The following DMXL1 variants were observed in gnomAD, a reference collection of about 807,000 sequenced individuals.
DMXL1 encodes dmX-like protein 1.
Under a neutral mutation model 319.2 loss-of-function variants are expected in DMXL1, and 99 were observed. The ratio of observed to expected loss-of-function variants is 0.31; its 90% confidence interval spans 0.26 to 0.37. DMXL1 has a LOEUF of 0.37. Ranked by LOEUF, DMXL1 falls within the 10% of genes least tolerant of loss-of-function variation. The pLI, the probability that DMXL1 is intolerant of heterozygous loss-of-function variation, is 1.00. For synonymous variants in DMXL1, 1,385 were observed against 1,235.2 expected (o/e 1.12, Z -2.54); for missense variants, 3,745 against 3,595.6 (o/e 1.04, Z -1.06).
At chr5:119,131,415 C>T (rs1248465493) in intron 10 of DMXL1, among the ~76,000 whole-genome samples, 1 of 151,974 alleles carries the variant, frequency 6.6e-6, no homozygotes, top group Non-Finnish European at 1.5e-5. Flanking sequence ...AATGCATTTC[C>T]TTGAAATGAT....
rs2055620 is a variant in DMXL1, at chr5:119,188,935, G to C, written c.7136-773G>C. Among the ~76,000 whole-genome samples the C allele has an allele frequency of 4.0e-3, 610 of 152,278 alleles. 10 individuals carry two copies. The highest frequency in any genetic ancestry group is 0.027 in the South Asian group (129 of 4,828). ...TCGGAGCCATTAAAGGAGAATATTG[G>C]TGTGCCTTAATGTGGAATTCTTTGC... On this transcript the variant is annotated intron_variant, in intron 28 of 43. Coordinates refer to ENST00000539542, the MANE Select transcript of DMXL1 (RefSeq NM_001290321.3).
intron 10 of DMXL1, chr5:119,132,726 C>T (rs145140018): frequency 5.3e-4 from 278 of 520,752 alleles, no homozygotes; most frequent in African/African-American, 5.1e-3. Flanking sequence ...ACAATTAGTC[C>T]TATATTGGCA....
intron 42 of DMXL1, among the ~76,000 whole-genome samples, 191 bp downstream of exon 42, chr5:119,240,662 G>A (rs182119800): frequency 3.2e-4 from 48 of 152,160 alleles, no homozygotes; most frequent in African/African-American, 1.1e-3. Context: ...ACCTTGATGG[G>A]GGACAGTGAG....
At chr5:119,124,556 G>A (rs1320486641) in intron 9 of DMXL1, among the ~76,000 whole-genome samples, 1 of 145,254 alleles carries the variant, frequency 6.9e-6, no homozygotes, top group African/African-American at 2.5e-5. Flanking sequence ...TGACATTATG[G>A]TGATGACTTT....
At chr5:119,211,463 GTACA>G (rs1332213214) in intron 34 of DMXL1, among the ~76,000 whole-genome samples, 1 of 152,090 alleles carries the variant, frequency 6.6e-6, no homozygotes, top group African/African-American at 2.4e-5. Flanking sequence ...TTCAAGAAGT[GTACA>G]TTTCATTTAT....
intron 1 of DMXL1, among the ~76,000 whole-genome samples, chr5:119,072,385 A>C (rs535862465): frequency 6.6e-6 from 1 of 152,118 alleles, no homozygotes; most frequent in Non-Finnish European, 1.5e-5. Flanking sequence ...CAATTTCAAA[A>C]TATAAGTCAG....
At chr5:119,132,864 G>T in intron 10 of DMXL1, 1 of 561,314 alleles carries the variant, frequency 1.8e-6, no homozygotes, top group Non-Finnish European at 3.3e-6. Context: ...TCTGTGCAAG[G>T]GCAAAAGTAG....
chr5:119,118,873 G>A lies in DMXL1; in HGVS notation c.802G>A (p.Val268Ile), dbSNP rs748374686. The change falls in exon 8 of 44, where the codon GTA (valine) becomes ATA (isoleucine). Residue 268 changes from valine (V) to isoleucine (I), a missense_variant. Physicochemically the swap from Val to Ile is conservative, Grantham distance 29. This residue lies in a region of DMXL1 where 2,096 missense variants were observed against 1,985.4 expected (regional missense o/e 1.06). Transcript: ENST00000539542. ...CAAAGATAATGTGTGTCGTCTTTGGGTAGAGACATTTTTACCAAATGATTG... is the reference window on the plus strand; with the variant it reads ...CAAAGATAATGTGTGTCGTCTTTGGATAGAGACATTTTTACCAAATGATTG... The part of the protein sequence containing the change: ...CCKDNVCRLW[V>I]ETFLPNDCLL... The A allele has an allele frequency of 6.2e-7, 1 of 1,613,898 alleles. No homozygotes were observed. The highest frequency in any genetic ancestry group is 2.2e-5 in the East Asian group (1 of 44,844).
chr5:119,238,808 T>C, intron 40 of DMXL1, 181 bp from the exon 41 acceptor site: 1 of 862,532 alleles, frequency 1.2e-6, no homozygotes, highest in Non-Finnish European at 1.4e-6. Flanking sequence ...TGCATCTGGG[T>C]AAAAGGTATA....
chr5:119,220,468 T>C lies in DMXL1; in HGVS notation c.8014-4T>C, dbSNP rs763237774. 1 of 1,611,726 alleles carries C rather than the reference T, an allele frequency of 6.2e-7. No homozygotes were observed. The highest frequency in any genetic ancestry group is 1.7e-5 in the Admixed American group (1 of 59,472). On this transcript the variant is annotated splice_region_variant and splice_polypyrimidine_tract_variant and intron_variant, in intron 35 of 43. Coordinates refer to ENST00000539542, the MANE Select transcript of DMXL1 (RefSeq NM_001290321.3). Reference sequence around the variant, plus strand: ...TTAAAATTACCATTTGACTTATTTTTCAGGCAAATAGAAACTGCATAGCAA... The same window carrying C: ...TTAAAATTACCATTTGACTTATTTTCCAGGCAAATAGAAACTGCATAGCAA...
At position 119,164,563 on chromosome 5, in the gene DMXL1, C is replaced by G. The variant is rs201675305; in HGVS notation, c.4759C>G (p.Leu1587Val). 2 of 1,614,006 alleles carry G rather than the reference C, an allele frequency of 1.2e-6. No homozygotes were observed. Among genetic ancestry groups the G allele is most frequent in the African/African-American group, 1.3e-5 (1 of 74,920 alleles). The change falls in exon 20 of 44, where the codon CTG becomes GTG. Residue 1587 changes from leucine to valine, a missense_variant. By Grantham distance (32) the Leu-to-Val change is conservative (BLOSUM62 1). Around this residue, in one of 4 missense-constraint regions of DMXL1, gnomAD observed 2,096 missense variants for 1,985.4 expected, o/e 1.06. Coordinates refer to ENST00000539542, the MANE Select transcript of DMXL1 (RefSeq NM_001290321.3). The part of the protein sequence containing the change: ...AFHSVAEEEL[L>V]NMLPAMQKDD... ...TCACTCAGTAGCAGAAGAAGAACTGCTGAACATGTTGCCAGCCATGCAGAA... is the reference window on the plus strand; with the variant it reads ...TCACTCAGTAGCAGAAGAAGAACTGGTGAACATGTTGCCAGCCATGCAGAA...
Position 119,128,572 on chromosome 5 carries a change from A to G in DMXL1, c.1103-639A>G, listed in dbSNP as rs541799631. The G allele has an allele frequency of 4.4e-4, 68 of 155,358 alleles. No homozygotes were observed. In the South Asian group the frequency reaches 8.1e-3, roughly 18 times the overall value. 9.6% of individuals were successfully genotyped at this position (155,358 alleles called of 1,614,324 possible). A position where few individuals can be genotyped will look rare whatever the true frequency, so the allele number is the denominator to read the frequency against. On this transcript the variant is annotated intron_variant, in intron 9 of 43. Transcript: ENST00000539542. Reference sequence around the variant, plus strand: ...TCAGACCCGTAGAATGTACAACACCAAGAATGAACCCTAAGGTAAACTGTA... The same window carrying G: ...TCAGACCCGTAGAATGTACAACACCGAGAATGAACCCTAAGGTAAACTGTA...
chr5:119,101,157 A>G (rs994172112), intron 2 of DMXL1, among the ~76,000 whole-genome samples: 1 of 152,140 alleles, frequency 6.6e-6, no homozygotes, highest in Non-Finnish European at 1.5e-5. Flanking sequence ...CCATAATTAA[A>G]GGCCCAAACT....
rs763955466 is a variant in DMXL1, at chr5:119,237,360, T to G, written c.8505T>G (p.Tyr2835Ter). ...ATGCTGATGGATATTTAAGTTTGTA[T>G]CAAACAAACTGGAAATGTTGTCCAG... Reference protein sequence around the residue: ...IVDADGYLSLYQTNWKCCPVT... With the variant: ...IVDADGYLSL The change falls in exon 40 of 44, where the codon TAT (tyrosine) becomes TAG (stop). Residue 2835 changes from tyrosine to a stop codon, truncating the protein, a stop_gained. Coordinates refer to ENST00000539542, the MANE Select transcript of DMXL1 (RefSeq NM_001290321.3). LOFTEE classifies it high-confidence loss of function. The G allele has an allele frequency of 6.2e-7, 1 of 1,604,078 alleles. No individual in the cohort carries two copies. Among genetic ancestry groups the G allele is most frequent in the Non-Finnish European group, 8.5e-7 (1 of 1,173,540 alleles).
At chr5:119,228,391 A>G (rs1353297659) in intron 38 of DMXL1, among the ~76,000 whole-genome samples, 3 of 152,224 alleles carry the variant, frequency 2.0e-5, no homozygotes, top group African/African-American at 7.2e-5. Flanking sequence ...ATAATGCACA[A>G]TTGACAAGTA....
intron 19 of DMXL1, among the ~76,000 whole-genome samples, chr5:119,153,482 C>CTAT (rs1770299265): frequency 6.6e-6 from 1 of 152,124 alleles, no homozygotes; most frequent in South Asian, 2.1e-4. Flanking sequence ...ATACAATACA[C>CTAT]TATTATTAAA....
chr5:119,206,307 C>T (rs1054600664), intron 33 of DMXL1, among the ~76,000 whole-genome samples: 3 of 152,004 alleles, frequency 2.0e-5, no homozygotes, highest in African/African-American at 7.2e-5. Context: ...ACAAGTACTA[C>T]TATTCCCTTT....
At chr5:119,139,202 A>T (rs1766716106) in intron 13 of DMXL1, among the ~76,000 whole-genome samples, 3 of 152,216 alleles carry the variant, frequency 2.0e-5, no homozygotes, top group Admixed American at 2.0e-4. Flanking sequence ...ACAGACCAGT[A>T]ACACTATAAA....
In DMXL1 at chr5:119,149,823, A is replaced by G; in HGVS notation, c.3996A>G (p.Glu1332=). Residue 1332 remains glutamate (E), a synonymous_variant, in exon 18 of 44, where the codon GAA becomes GAG. Coordinates refer to ENST00000539542, the MANE Select transcript of DMXL1 (RefSeq NM_001290321.3). The part of the protein sequence containing the change: ...LPQYHPLQLL[E]LMDLGKVRRA... Reference sequence around the variant, plus strand: ...AGTATCATCCCTTGCAGCTTTTGGAACTCATGGATCTTGGTAAAGTTCGGA... The same window carrying G: ...AGTATCATCCCTTGCAGCTTTTGGAGCTCATGGATCTTGGTAAAGTTCGGA... 1.9e-6 allele frequency: 3 copies of G among 1,613,906 alleles called. No homozygotes were observed. Among genetic ancestry groups the G allele is most frequent in the African/African-American group, 1.3e-5 (1 of 75,008 alleles).
Sources: gnomAD v4.1 joint callset for allele counts (sites outside exome capture counted in the v4.1 genomes callset) on GRCh38, gnomAD v4.1.1 for gene constraint, gnomAD v4.1.1 regional missense constraint, MANE v1.5 for transcripts, NCBI Gene and HGNC (gene_info 2026-07-23, HGNC 2026-07-21) for gene names.